Variants in CYP27A1 observed in about 807,000 individuals in gnomAD.
CYP27A1 encodes the protein sterol 26-hydroxylase, mitochondrial.
Under a neutral mutation model 58.2 loss-of-function variants are expected in CYP27A1, and 46 were observed. The ratio of observed to expected loss-of-function variants is 0.79; its 90% CI spans 0.62 to 1.01. The LOEUF (loss-of-function observed/expected upper bound fraction) is 1.01. CYP27A1 is among the 50% of genes least tolerant of loss of function. The probability of loss-of-function intolerance (pLI) is 0.00; values close to 1 mark genes in which losing one functional copy is unlikely to be tolerated. For synonymous variants in CYP27A1, 274 were observed against 285.1 expected, an observed-to-expected ratio of 0.96 and a Z score of 0.39; for missense variants, 704 against 687.0, an observed-to-expected ratio of 1.02 and a Z score of -0.28.
At chr2:218,814,495 C>G (rs1446238830) in intron 7 of CYP27A1, 37 bp downstream of exon 7, 29 of 1,612,468 alleles carry the variant, frequency 1.8e-5, no homozygotes, top group Non-Finnish European at 2.4e-5. Flanking sequence ...CCCAGGAGTG[C>G]CCTATGCCCC....
rs1177463640 is a variant in CYP27A1, at chr2:218,814,652, C to T, written c.1371C>T (p.Thr457=). ...HRWLRNSQPA[T]PRIQHPFGSV... The stretch of plus-strand genomic sequence containing the variant: ...GGCTGAGAAACAGCCAGCCTGCTAC[C>T]CCCAGGATCCAGCACCCATTTGGCT... The change falls in exon 8 of 9, where the codon ACC becomes ACT. Residue 457 remains threonine, a synonymous_variant. Coordinates refer to ENST00000258415, the MANE Select transcript of CYP27A1 (RefSeq NM_000784.4). 5 of 1,614,230 alleles carry T rather than the reference C, an allele frequency of 3.1e-6. No homozygotes were observed. In the Admixed American group the frequency reaches 5.0e-5, roughly 16 times the overall value.
chr2:218,799,697 CCTATTG>C (rs1943581165), intron 1 of CYP27A1, among the ~76,000 whole-genome samples: 1 of 152,036 alleles, frequency 6.6e-6, no homozygotes. Flanking sequence ...ATACATACAT[CCTATTG>C]TTTCTTTTTT....
At chr2:218,811,461 G>T (rs747522392) in intron 2 of CYP27A1, among the ~76,000 whole-genome samples, 7 of 152,248 alleles carry the variant, frequency 4.6e-5, no homozygotes, top group Non-Finnish European at 8.8e-5. Context: ...ACAGCTGGGA[G>T]TGGGGGCAGT....
rs143600636 is a variant in CYP27A1, at chr2:218,812,694, C to T, written c.789C>T (p.Pro263=). 806 of 1,614,230 alleles carry T rather than the reference C, an allele frequency of 5.0e-4. 1 individual carries two copies. The highest frequency in any genetic ancestry group is 6.2e-4 in the Non-Finnish European group (729 of 1,180,052). Residue 263 remains proline, a synonymous_variant, in exon 4 of 9, where the codon CCC becomes CCT. Coordinates refer to ENST00000258415, the MANE Select transcript of CYP27A1 (RefSeq NM_000784.4). ...CCTTCCTCCCCAAGTGGACTCGCCC[C>T]GTGCTGCCTTTCTGGAAGCGATACC... The part of the protein sequence containing the change: ...YATFLPKWTR[P]VLPFWKRYLD...
intron 1 of CYP27A1, among the ~76,000 whole-genome samples, chr2:218,787,573 C>T (rs1311261539): frequency 1.3e-5 from 2 of 152,122 alleles, no homozygotes; most frequent in Admixed American, 6.5e-5. Context: ...ACTCGATCTC[C>T]AATGCAACAG....
Position 218,782,317 on chromosome 2 carries a change from A to G in CYP27A1, c.135A>G (p.Gly45=). ...LPSDKATGAP[G]AGPGVRRRQR... The stretch of plus-strand genomic sequence containing the variant: ...CGGACAAGGCCACCGGAGCTCCCGG[A>G]GCCGGGCCTGGTGTCCGGCGGCGGC... The change falls in exon 1 of 9, where the codon GGA becomes GGG. Residue 45 remains glycine (G), a synonymous_variant. Coordinates refer to ENST00000258415, the MANE Select transcript of CYP27A1 (RefSeq NM_000784.4). This position sits in a 1 kb window ranked among gnomAD's most constrained non-coding sequence, Gnocchi z 4.1. The G allele has an allele frequency of 6.2e-7, 1 of 1,611,912 alleles. No homozygotes were observed. The highest frequency in any genetic ancestry group is 8.5e-7 in the Non-Finnish European group (1 of 1,179,004).
At chr2:218,790,987 C>T (rs1224421991) in intron 1 of CYP27A1, among the ~76,000 whole-genome samples, 1 of 152,052 alleles carries the variant, frequency 6.6e-6, no homozygotes, top group African/African-American at 2.4e-5. Context: ...AGGTGTGAGC[C>T]CCTGTGCCCA....
At position 218,809,852 on chromosome 2, in the gene CYP27A1, C is replaced by T. The variant is rs1212717246; in HGVS notation, c.446+85C>T. 8 of 1,297,658 alleles carry T rather than the reference C, an allele frequency of 6.2e-6. No homozygotes were observed. The East Asian group carries it at 1.9e-4, about 30-fold the overall frequency. The allele number at this position is 1,297,658 out of a possible 1,614,324, so 80.4% of individuals were successfully genotyped here. On this transcript the variant is annotated intron_variant, in intron 2 of 8. Transcript: ENST00000258415. The stretch of plus-strand genomic sequence containing the variant: ...GGGCACAGGGCAGGCAGGTGGATAA[C>T]CGGCAGAATAGTACCCTCTGCATCC...
In CYP27A1 at chr2:218,812,228, A is replaced by T; in HGVS notation, c.453A>T (p.Gly151=). The change falls in exon 3 of 9, where the codon GGA becomes GGT. Residue 151 remains glycine, a synonymous_variant. Transcript: ENST00000258415. ...DLTYGPFTTE[G]HHWYQLRQAL... is the part of the protein sequence containing the mutation. ...TTCCTCTGCGTCCCTGCAGGGAAGG[A>T]CACCACTGGTACCAGCTGCGCCAGG... 6.2e-7 allele frequency: 1 copy of T among 1,614,020 alleles called. No individual in the cohort carries two copies. Among genetic ancestry groups the T allele is most frequent in the Non-Finnish European group, 8.5e-7 (1 of 1,179,910 alleles).
intron 1 of CYP27A1, among the ~76,000 whole-genome samples, chr2:218,788,356 G>A (rs1250116992): frequency 6.6e-6 from 1 of 152,340 alleles, no homozygotes; most frequent in East Asian, 1.9e-4. Context: ...ACGGAAAGTA[G>A]TAGTTGCAGT....
At position 218,815,036 on chromosome 2, in the gene CYP27A1, G is replaced by T. The variant is rs1479173001; in HGVS notation, c.*6G>T. On this transcript the variant is annotated 3_prime_UTR_variant, in exon 9 of 9. Coordinates refer to ENST00000258415, the MANE Select transcript of CYP27A1 (RefSeq NM_000784.4). ...TCCTGCAGAGACAGTGCTGAGCTGA[G>T]TCTCCGCCTTGCTGGGGCTTGTCCT... is the stretch of plus-strand genomic sequence containing the variant. 1 of 1,614,192 alleles carries T rather than the reference G, an allele frequency of 6.2e-7. No individual in the cohort carries two copies. Among genetic ancestry groups the T allele is most frequent in the Non-Finnish European group, 8.5e-7 (1 of 1,180,024 alleles).
intron 1 of CYP27A1, among the ~76,000 whole-genome samples, chr2:218,786,353 G>A (rs1943440820): frequency 6.6e-6 from 1 of 152,208 alleles, no homozygotes; most frequent in South Asian, 2.1e-4. Context: ...GGGGAGGACG[G>A]CAATGGATGT....
intron 8 of CYP27A1, 39 bp from the exon 9 acceptor site, chr2:218,814,872 A>T (rs764008118): frequency 6.2e-7 from 1 of 1,614,158 alleles, no homozygotes; most frequent in East Asian, 2.2e-5. Flanking sequence ...GATGGCAAAC[A>T]CACAATCCAC....
At position 218,782,637 on chromosome 2, in the gene CYP27A1, C is replaced by G. The variant is rs1340113125; in HGVS notation, c.255+200C>G. 6.6e-6 allele frequency among the ~76,000 whole-genome samples: 1 copy of G among 152,030 alleles called. No homozygotes were observed. Among genetic ancestry groups the G allele is most frequent in the Non-Finnish European group, 1.5e-5 (1 of 68,012 alleles). On this transcript the variant is annotated intron_variant, in intron 1 of 8. Transcript: ENST00000258415. The surrounding 1 kb of genome is among the most constrained non-coding windows in gnomAD (Gnocchi z 4.1). ...GCCCTTTGAGCTGAGATAAACAGGA[C>G]GAGGAAGGGCTTAAATCAGGACGGC...
At chr2:218,810,671 G>A (rs1235893353) in intron 2 of CYP27A1, among the ~76,000 whole-genome samples, 3 of 152,052 alleles carry the variant, frequency 2.0e-5, no homozygotes, top group South Asian at 2.1e-4. Flanking sequence ...CTGTATATCC[G>A]ATTCCTACTG....
chr2:218,782,166 G>T lies in CYP27A1; in HGVS notation c.-17G>T. The T allele has an allele frequency of 6.5e-7, 1 of 1,534,330 alleles. No homozygotes were observed. On this transcript the variant is annotated 5_prime_UTR_variant, in exon 1 of 9. Coordinates refer to ENST00000258415, the MANE Select transcript of CYP27A1 (RefSeq NM_000784.4). This position sits in a 1 kb window ranked among gnomAD's most constrained non-coding sequence, Gnocchi z 4.1. ...CTCAGCACTCGACCCAAAGGTGCAG[G>T]CGCGCGAGCACAACCCATGGCTGCG...
intron 1 of CYP27A1, among the ~76,000 whole-genome samples, chr2:218,783,130 G>A (rs1943410126): frequency 1.3e-5 from 2 of 151,744 alleles, no homozygotes; most frequent in African/African-American, 4.8e-5. Flanking sequence ...GGTGGCACAT[G>A]CCTGTAATCC....
At chr2:218,789,045 A>G (rs1196248458) in intron 1 of CYP27A1, among the ~76,000 whole-genome samples, 5 of 152,248 alleles carry the variant, frequency 3.3e-5, no homozygotes, top group Non-Finnish European at 7.3e-5. Flanking sequence ...GAGTTATGCC[A>G]ATTTAGCAAT....
At chr2:218,799,337 C>G (rs1943577796) in intron 1 of CYP27A1, among the ~76,000 whole-genome samples, 2 of 152,190 alleles carry the variant, frequency 1.3e-5, no homozygotes, top group Non-Finnish European at 2.9e-5. Context: ...CCAGACGGCA[C>G]AGGGGGAGGT....
Sources: gnomAD v4.1 joint callset for allele counts (sites outside exome capture counted in the v4.1 genomes callset) on GRCh38, gnomAD v4.1.1 for gene constraint, Gnocchi (gnomAD v3.1) non-coding constraint, MANE v1.5 for transcripts, NCBI Gene and HGNC (gene_info 2026-07-23, HGNC 2026-07-21) for gene names.